ZNF367: variants seen among roughly 807,000 people sequenced by gnomAD.
ZNF367 encodes the protein C2H2 zinc finger protein ZFF29.
A neutral mutation model predicts 31.8 loss-of-function variants in ZNF367; 11 were observed. The observed-to-expected ratio is 0.35, with a 90% CI of 0.22 to 0.57. The LOEUF (loss-of-function observed/expected upper bound fraction) is 0.57. Among genes scored for constraint, ZNF367 ranks in the 20% least tolerant of loss-of-function variants. ZNF367 has a pLI of 0.85. For missense variants in ZNF367, 353 were observed against 484.1 expected (o/e 0.73, Z 2.54); for synonymous variants, 199 against 202.4 (o/e 0.98, Z 0.14).
intron 1 of ZNF367, among the ~76,000 whole-genome samples, chr9:96,399,517 TA>T (rs935163711): frequency 6.6e-5 from 10 of 152,020 alleles, no homozygotes; most frequent in African/African-American, 2.4e-4. Context: ...ACCCCATCTC[TA>T]AAAAACAAAA....
chr9:96,409,343 C>T (rs1051877917), intron 1 of ZNF367, among the ~76,000 whole-genome samples: 1 of 152,148 alleles, frequency 6.6e-6, no homozygotes, highest in African/African-American at 2.4e-5. Context: ...GCTTTGAGAC[C>T]CATCTGTCCC....
At chr9:96,388,994 G>C (rs1428316786) in intron 4 of ZNF367, among the ~76,000 whole-genome samples, 1 of 152,154 alleles carries the variant, frequency 6.6e-6, no homozygotes, top group Non-Finnish European at 1.5e-5. Context: ...CAACTCTTTG[G>C]TAACTAAAGA....
At chr9:96,400,136 G>T (rs73541079) in intron 1 of ZNF367, among the ~76,000 whole-genome samples, 3,419 of 152,202 alleles carry the variant, frequency 0.022, 136 homozygotes, top group African/African-American at 0.079. Flanking sequence ...ACTAGACAAA[G>T]ATTTTAAATC....
At chr9:96,416,668 C>T (rs1466184236) in intron 1 of ZNF367, among the ~76,000 whole-genome samples, 1 of 152,206 alleles carries the variant, frequency 6.6e-6, no homozygotes, top group Non-Finnish European at 1.5e-5. Flanking sequence ...AGCCACTTAA[C>T]AAATGGAACC....
rs1480609908 is a variant in ZNF367 at position 96,398,156 on chromosome 9, C to T, written c.571+8G>A. On this transcript the variant is annotated splice_region_variant and intron_variant, in intron 2 of 4. Transcript: ENST00000375256. The stretch of plus-strand genomic sequence containing the variant: ...TCTGGCAGTCTCTATAAAATTTGCT[C>T]AACTTACCTGTATGAGTCCTTTTGT... 13 of 1,246,944 alleles carry T rather than the reference C, an allele frequency of 1.0e-5. No homozygotes were observed. The highest frequency in any genetic ancestry group is 1.3e-5 in the Non-Finnish European group (12 of 910,638). 77.2% of individuals were successfully genotyped at this position (1,246,944 alleles called of 1,614,324 possible).
intron 1 of ZNF367, among the ~76,000 whole-genome samples, chr9:96,413,719 G>A (rs1203822306): frequency 1.3e-5 from 2 of 152,144 alleles, no homozygotes; most frequent in Non-Finnish European, 2.9e-5. Context: ...CTAAGCACTC[G>A]TGTGATGAGC....
intron 4 of ZNF367, among the ~76,000 whole-genome samples, chr9:96,390,305 C>A (rs1172832126): frequency 6.6e-6 from 1 of 151,864 alleles, no homozygotes; most frequent in African/African-American, 2.4e-5. Flanking sequence ...TTTGGCAATG[C>A]CCACAGAGGT....
intron 1 of ZNF367, among the ~76,000 whole-genome samples, chr9:96,401,652 C>T (rs1165098675): frequency 5.1e-5 from 5 of 98,616 alleles, no homozygotes; most frequent in East Asian, 2.7e-4. Flanking sequence ...AGCGAAGCTC[C>T]GTCTCAAAAA....
At chr9:96,396,869 G>T (rs1464506722) in intron 2 of ZNF367, among the ~76,000 whole-genome samples, 6 of 152,084 alleles carry the variant, frequency 3.9e-5, no homozygotes, top group Admixed American at 6.6e-5. Flanking sequence ...GTCTCTCCAT[G>T]TTGGCCAGGC....
chr9:96,407,089 G>C (rs1195376174), intron 1 of ZNF367, among the ~76,000 whole-genome samples: 5 of 151,618 alleles, frequency 3.3e-5, no homozygotes, highest in Non-Finnish European at 7.4e-5. Flanking sequence ...GGAGTCTGAG[G>C]TGATAGGGTC....
At chr9:96,407,974 G>A (rs1831692778) in intron 1 of ZNF367, among the ~76,000 whole-genome samples, 1 of 133,008 alleles carries the variant, frequency 7.5e-6, no homozygotes, top group South Asian at 2.5e-4. Context: ...AGTTTTAATG[G>A]AACACAAAAT....
At chr9:96,401,129 G>A (rs1831598080) in intron 1 of ZNF367, among the ~76,000 whole-genome samples, 1 of 152,180 alleles carries the variant, frequency 6.6e-6, no homozygotes, top group Non-Finnish European at 1.5e-5. Flanking sequence ...AGGAGGCTGA[G>A]GAAGGAGGAT....
chr9:96,405,336 AAT>A (rs1554721182), intron 1 of ZNF367, among the ~76,000 whole-genome samples: 3 of 151,724 alleles, frequency 2.0e-5, no homozygotes, highest in African/African-American at 7.3e-5. Context: ...AAAAAAAAAA[AAT>A]CCTCAAAATT....
chr9:96,411,050 A>T (rs550386331), intron 1 of ZNF367, among the ~76,000 whole-genome samples: 1 of 150,826 alleles, frequency 6.6e-6, no homozygotes, highest in Admixed American at 6.6e-5. Flanking sequence ...AAAAAAAAAC[A>T]TAGCCAGGTG....
In ZNF367 at chr9:96,412,052, C is replaced by T. The variant is rs1831757783; in HGVS notation, c.420+5561G>A. ...AGACAAAACAAATAATCATATAATG[C>T]CCTAAATAAATGAATAAAGACCATC... On this transcript the variant is annotated intron_variant, in intron 1 of 4. Coordinates refer to ENST00000375256, the MANE Select transcript of ZNF367 (RefSeq NM_153695.4). Among the ~76,000 whole-genome samples, 3 of 152,212 alleles carry T rather than the reference C, an allele frequency of 2.0e-5. No homozygotes were observed. The South Asian group carries it at 6.2e-4, about 32-fold the overall frequency.
intron 1 of ZNF367, among the ~76,000 whole-genome samples, chr9:96,404,359 C>A (rs538855227): frequency 7.2e-4 from 110 of 152,226 alleles, no homozygotes; most frequent in African/African-American, 2.5e-3. Flanking sequence ...CTTTGAGAGG[C>A]TGAGGCGAGT....
In ZNF367 at chr9:96,410,136, G is replaced by A. The variant is rs113380215; in HGVS notation, c.420+7477C>T. ...AAATTAGCTGGGCGCAGTGGCGGGC[G>A]CCTGTAGTCCCAGCTACTCGGGAGG... On this transcript the variant is annotated intron_variant, in intron 1 of 4. Transcript: ENST00000375256. 2.7e-3 allele frequency among the ~76,000 whole-genome samples: 414 copies of A among 152,030 alleles called. 2 individuals carry two copies. Among genetic ancestry groups the A allele is most frequent in the African/African-American group, 9.5e-3 (393 of 41,490 alleles).
chr9:96,392,902 C>T (rs1197716185), intron 3 of ZNF367, among the ~76,000 whole-genome samples: 2 of 151,954 alleles, frequency 1.3e-5, no homozygotes, highest in African/African-American at 4.8e-5. Context: ...CTGGCCAACA[C>T]GGCAAAATGC....
In ZNF367 at chr9:96,387,232, TA is replaced by T. The variant is rs1217457837; in HGVS notation, c.*1004del. 3.3e-5 allele frequency: 5 copies of T among 152,184 alleles called. No homozygotes were observed. Among genetic ancestry groups the T allele is most frequent in the Non-Finnish European group, 7.4e-5 (5 of 68,010 alleles). The allele number at this position is 152,184 out of a possible 1,614,324, so 9.4% of individuals were successfully genotyped here. ...AATAGCTTGGCATGTTACTCTGAAG[TA>T]AAGCAAGAAGGTGGCTTTATGCACT... On this transcript the variant is annotated 3_prime_UTR_variant, in exon 5 of 5. Transcript: ENST00000375256.
Sources: gnomAD v4.1 joint callset for allele counts (sites outside exome capture counted in the v4.1 genomes callset) on GRCh38, gnomAD v4.1.1 for gene constraint, MANE v1.5 for transcripts, NCBI Gene and HGNC (gene_info 2026-07-23, HGNC 2026-07-21) for gene names.